ZNF407: variants seen among roughly 807,000 people sequenced by gnomAD.
The protein encoded by ZNF407 is zinc finger protein 407.
Under a neutral mutation model 131.2 loss-of-function variants are expected in ZNF407, and 17 were observed. The observed-to-expected ratio is 0.13, with a 90% confidence interval of 0.09 to 0.19. The LOEUF (loss-of-function observed/expected upper bound fraction) is 0.19, where lower values mean the gene tolerates loss of function less well. Ranked by LOEUF, ZNF407 falls within the 10% of genes least tolerant of loss-of-function variation. The pLI, the probability that ZNF407 is intolerant of heterozygous loss-of-function variation, is 1.00. For missense variants in ZNF407, 2,681 were observed against 2,830.6 expected, an observed-to-expected ratio of 0.95 and a Z score of 1.20; for synonymous variants, 1,156 against 1,062.0, an observed-to-expected ratio of 1.09 and a Z score of -1.72.
chr18:74,619,320 T>G (rs36139223), intron 1 of ZNF407, among the ~76,000 whole-genome samples: 1 of 152,124 alleles, frequency 6.6e-6, no homozygotes. Context: ...ATTGGTCCAG[T>G]TGGAATGAAA....
chr18:75,019,452 A>G (rs984088115), intron 8 of ZNF407, among the ~76,000 whole-genome samples: 7 of 152,182 alleles, frequency 4.6e-5, no homozygotes, highest in Non-Finnish European at 8.8e-5. Context: ...ACAGTGGTTC[A>G]AACATAGTAA....
intron 3 of ZNF407, among the ~76,000 whole-genome samples, chr18:74,745,626 T>C (rs191463478): frequency 6.6e-6 from 1 of 152,346 alleles, no homozygotes; most frequent in East Asian, 1.9e-4. Context: ...ATTTGTTTTA[T>C]GTTAGTTGCT....
chr18:75,021,467 A>G (rs961862521), intron 8 of ZNF407, among the ~76,000 whole-genome samples: 1 of 152,008 alleles, frequency 6.6e-6, no homozygotes, highest in African/African-American at 2.4e-5. Flanking sequence ...ACAGGGTCTC[A>G]CTGCGTTAGC....
chr18:74,914,216 G>C (rs114620812), intron 7 of ZNF407, among the ~76,000 whole-genome samples: 1 of 152,186 alleles, frequency 6.6e-6, no homozygotes, highest in Non-Finnish European at 1.5e-5. Context: ...CGTGAGGAAC[G>C]TCTTTCACCT....
intron 8 of ZNF407, among the ~76,000 whole-genome samples, chr18:75,056,361 C>G (rs200556665): frequency 6.6e-6 from 1 of 152,216 alleles, no homozygotes; most frequent in Non-Finnish European, 1.5e-5. Flanking sequence ...GAGGTACTGA[C>G]CAACCAACCT....
chr18:75,025,440 G>C (rs539849700), intron 8 of ZNF407, among the ~76,000 whole-genome samples: 9 of 152,330 alleles, frequency 5.9e-5, no homozygotes, highest in African/African-American at 2.2e-4. Flanking sequence ...TTTAGCTTAA[G>C]ACAGAAAATT....
intron 4 of ZNF407, among the ~76,000 whole-genome samples, chr18:74,850,506 T>G (rs942862700): frequency 3.3e-5 from 5 of 152,202 alleles, no homozygotes; most frequent in African/African-American, 1.2e-4. Context: ...GTACCCTACC[T>G]TATGGCAGAT....
chr18:74,877,394 G>A (rs752683777), intron 5 of ZNF407, 31 bp downstream of exon 5: 17 of 1,605,920 alleles, frequency 1.1e-5, no homozygotes, highest in Middle Eastern at 2.2e-4. Context: ...ATCCCAGGAG[G>A]CTGGGCAGAG....
At chr18:74,825,779 A>G (rs1205850270) in intron 4 of ZNF407, among the ~76,000 whole-genome samples, 5 of 152,156 alleles carry the variant, frequency 3.3e-5, no homozygotes. Flanking sequence ...TTAGCTAACA[A>G]TCTAATTTTC....
chr18:74,653,491 T>G (rs925187520), intron 3 of ZNF407, among the ~76,000 whole-genome samples: 2 of 151,872 alleles, frequency 1.3e-5, no homozygotes, highest in African/African-American at 4.8e-5. Flanking sequence ...TAATATATAT[T>G]TGCAGAACTA....
chr18:74,847,510 C>T (rs928217367), intron 4 of ZNF407, among the ~76,000 whole-genome samples: 1 of 152,208 alleles, frequency 6.6e-6, no homozygotes, highest in Non-Finnish European at 1.5e-5. Context: ...GAGTCAAAAT[C>T]TTACTGGTTC....
chr18:74,793,939 G>T (rs1276294642), intron 4 of ZNF407, among the ~76,000 whole-genome samples: 1 of 152,188 alleles, frequency 6.6e-6, no homozygotes, highest in African/African-American at 2.4e-5. Context: ...CAGCTGACTT[G>T]CCCCTCACCT....
At chr18:74,873,327 T>G (rs1971113099) in intron 4 of ZNF407, among the ~76,000 whole-genome samples, 1 of 152,198 alleles carries the variant, frequency 6.6e-6, no homozygotes, top group Admixed American at 6.5e-5. Context: ...ATTTTGACTC[T>G]GTTATCAATC....
Position 75,037,035 on chromosome 18 carries a change from T to C in ZNF407, c.5429-26115T>C, listed in dbSNP as rs559754807. Reference sequence around the variant, plus strand: ...GGGTAAAATCACAAGCTGACTCCGATATTGCTAAATATTTATACTGTCAAA... The same window carrying C: ...GGGTAAAATCACAAGCTGACTCCGACATTGCTAAATATTTATACTGTCAAA... On this transcript the variant is annotated intron_variant, in intron 8 of 8. Transcript: ENST00000299687. Among the ~76,000 whole-genome samples, 40 of 152,328 alleles carry C rather than the reference T, an allele frequency of 2.6e-4. 1 individual carries two copies. Among genetic ancestry groups the C allele is most frequent in the South Asian group, 1.5e-3 (7 of 4,826 alleles).
At chr18:74,852,117 C>A (rs1370362575) in intron 4 of ZNF407, among the ~76,000 whole-genome samples, 1 of 152,068 alleles carries the variant, frequency 6.6e-6, no homozygotes, top group African/African-American at 2.4e-5. Context: ...TCAGGACTTT[C>A]TGGTCCTAAA....
At chr18:74,913,218 T>C (rs1215960251) in intron 7 of ZNF407, among the ~76,000 whole-genome samples, 1 of 152,218 alleles carries the variant, frequency 6.6e-6, no homozygotes, top group African/African-American at 2.4e-5. Context: ...GATGCGATTG[T>C]CATGGCACCT....
intron 3 of ZNF407, among the ~76,000 whole-genome samples, chr18:74,746,077 A>T (rs1406586061): frequency 6.6e-6 from 1 of 152,210 alleles, no homozygotes; most frequent in Non-Finnish European, 1.5e-5. Context: ...CACCTAGGCT[A>T]GATGGTATGG....
At chr18:74,794,194 C>G (rs547406539) in intron 4 of ZNF407, among the ~76,000 whole-genome samples, 1 of 152,336 alleles carries the variant, frequency 6.6e-6, no homozygotes, top group East Asian at 1.9e-4. Flanking sequence ...CCTTGCCTCT[C>G]TGCCGCATAC....
At chr18:74,721,855 C>T (rs2144872713) in intron 3 of ZNF407, among the ~76,000 whole-genome samples, 1 of 152,212 alleles carries the variant, frequency 6.6e-6, no homozygotes. Flanking sequence ...TATGTCTTTA[C>T]TTCCCCTTTA....
Sources: gnomAD v4.1 joint callset for allele counts (sites outside exome capture counted in the v4.1 genomes callset) on GRCh38, gnomAD v4.1.1 for gene constraint, MANE v1.5 for transcripts, NCBI Gene and HGNC (gene_info 2026-07-23, HGNC 2026-07-21) for gene names.